The following CRACD variants were observed in gnomAD, a reference collection of about 807,000 sequenced individuals.
The protein encoded by CRACD is capping protein-inhibiting regulator of actin dynamics.
A neutral mutation model predicts 106.8 loss-of-function variants in CRACD; 56 were observed. The observed-to-expected ratio is 0.52, with a 90% confidence interval of 0.42 to 0.66. CRACD has a LOEUF of 0.66. Ranked by LOEUF, CRACD falls within the 30% of genes least tolerant of loss-of-function variation. The probability of loss-of-function intolerance (pLI) is 0.00; values close to 1 mark genes in which losing one functional copy is unlikely to be tolerated. For missense variants in CRACD, 1,730 were observed against 1,623.2 expected (o/e 1.07, Z -1.13); for synonymous variants, 754 against 670.8 (o/e 1.12, Z -1.92).
chr4:56,272,473 A>C lies in CRACD; in HGVS notation c.-36A>C, dbSNP rs578195034. The C allele has an allele frequency of 2.0e-5, 3 of 152,638 alleles. No individual in the cohort carries two copies. The highest frequency in any genetic ancestry group is 4.4e-5 in the Non-Finnish European group (3 of 68,018). The allele number at this position is 152,638 out of a possible 1,614,324, so 9.5% of individuals were successfully genotyped here. A position where few individuals can be genotyped will look rare whatever the true frequency, so the allele number is the denominator to read the frequency against. On this transcript the variant is annotated 5_prime_UTR_variant, in exon 3 of 11. Transcript: ENST00000682029. ...TGGGACCTTCTCTTCGGATGAGGAG[A>C]CCCTGGAAGACAATCTAAGGTAATA...
At chr4:56,242,039 T>TCCAC (rs1322959961) in intron 2 of CRACD, among the ~76,000 whole-genome samples, 2 of 152,198 alleles carry the variant, frequency 1.3e-5, no homozygotes, top group African/African-American at 4.8e-5. Context: ...TACTTTATTT[T>TCCAC]GAATGACAAA....
intron 2 of CRACD, among the ~76,000 whole-genome samples, chr4:56,243,031 C>G (rs1334915080): frequency 6.6e-6 from 1 of 152,154 alleles, no homozygotes; most frequent in African/African-American, 2.4e-5. Flanking sequence ...TGATGTCCCC[C>G]ACTGTCTATT....
At chr4:56,284,248 G>C (rs1310790135) in intron 3 of CRACD, among the ~76,000 whole-genome samples, 1 of 115,926 alleles carries the variant, frequency 8.6e-6, no homozygotes, top group Non-Finnish European at 1.6e-5. Flanking sequence ...GAGCCCAGGA[G>C]TTTCAGACCA....
intron 1 of CRACD, among the ~76,000 whole-genome samples, chr4:56,088,744 A>C (rs139962567): frequency 6.7e-6 from 1 of 149,638 alleles, no homozygotes; most frequent in Non-Finnish European, 1.5e-5. Flanking sequence ...TTTTGACGGA[A>C]TCTTGCTCTG....
chr4:56,305,666 C>T (rs1446524686), intron 4 of CRACD, among the ~76,000 whole-genome samples: 2 of 152,222 alleles, frequency 1.3e-5, no homozygotes, highest in Admixed American at 6.5e-5. Flanking sequence ...CATGTGTGCT[C>T]CTGTCCTGTG....
chr4:56,282,578 T>C (rs1009321561), intron 3 of CRACD, among the ~76,000 whole-genome samples: 2 of 152,194 alleles, frequency 1.3e-5, no homozygotes, highest in Admixed American at 1.3e-4. Flanking sequence ...TGGAAGACTT[T>C]CCAAGTTCCA....
At chr4:56,313,934 G>C in intron 7 of CRACD, 106 bp from the exon 8 acceptor site, 1 of 1,429,666 alleles carries the variant, frequency 7.0e-7, no homozygotes, top group Non-Finnish European at 9.5e-7. Flanking sequence ...CCTGCTTCCA[G>C]GTGTTCTTGA....
At chr4:56,109,211 G>A (rs533270915) in intron 1 of CRACD, among the ~76,000 whole-genome samples, 11 of 152,220 alleles carry the variant, frequency 7.2e-5, no homozygotes, top group Admixed American at 6.5e-4. Flanking sequence ...TATACCCGCC[G>A]GTTATTCCTA....
At position 56,246,880 on chromosome 4, in the gene CRACD, A is replaced by G. The variant is rs111654401; in HGVS notation, c.-188-25441A>G. The stretch of plus-strand genomic sequence containing the variant: ...AGACAGTGAATCCCCCAACATTGTT[A>G]TTATTAGTAGTACTTAGGCACTGGT... On this transcript the variant is annotated intron_variant, in intron 2 of 10. Coordinates refer to ENST00000682029, the MANE Select transcript of CRACD (RefSeq NM_001393381.1). 8.5e-4 allele frequency among the ~76,000 whole-genome samples: 130 copies of G among 152,296 alleles called. 1 individual carries two copies. Among genetic ancestry groups the G allele is most frequent in the Middle Eastern group, 3.4e-3 (1 of 294 alleles).
chr4:56,277,587 A>G (rs1397905429), intron 3 of CRACD, among the ~76,000 whole-genome samples: 1 of 152,214 alleles, frequency 6.6e-6, no homozygotes, highest in Non-Finnish European at 1.5e-5. Context: ...GATCAGGAAC[A>G]AAACAAGGGT....
chr4:56,084,500 T>C (rs1309512676), intron 1 of CRACD, among the ~76,000 whole-genome samples: 1 of 152,200 alleles, frequency 6.6e-6, no homozygotes, highest in African/African-American at 2.4e-5. Context: ...TATATGAAAT[T>C]TGTATTTATC....
At chr4:56,214,303 A>G (rs1330217153) in intron 2 of CRACD, among the ~76,000 whole-genome samples, 1 of 152,058 alleles carries the variant, frequency 6.6e-6, no homozygotes, top group African/African-American at 2.4e-5. Context: ...TTTTTTATTT[A>G]AAAAATATAG....
intron 1 of CRACD, among the ~76,000 whole-genome samples, chr4:56,056,258 C>G (rs73162687): frequency 6.6e-6 from 1 of 152,214 alleles, no homozygotes; most frequent in African/African-American, 2.4e-5. Flanking sequence ...TTAAAAAAAG[C>G]AAAACACCAT....
Position 56,329,744 on chromosome 4 carries a change from G to A in CRACD, c.*1940G>A, listed in dbSNP as rs1746688618. ...TGGGAATCTTTCCACCTACAGCCCT[G>A]GAATGATAATGCTACAGTAATTCTT... On this transcript the variant is annotated 3_prime_UTR_variant, in exon 11 of 11. Coordinates refer to ENST00000682029, the MANE Select transcript of CRACD (RefSeq NM_001393381.1). 6.6e-6 allele frequency among the ~76,000 whole-genome samples: 1 copy of A among 152,104 alleles called. No homozygotes were observed.
intron 1 of CRACD, among the ~76,000 whole-genome samples, chr4:56,118,752 TAAAAA>T (rs1373006700): frequency 6.8e-6 from 1 of 146,436 alleles, no homozygotes; most frequent in African/African-American, 2.5e-5. Flanking sequence ...TAAAATAAAA[TAAAAA>T]TAAAGTAGGA....
At chr4:56,140,786 AT>A (rs762714106) in intron 1 of CRACD, among the ~76,000 whole-genome samples, 6 of 152,070 alleles carry the variant, frequency 3.9e-5, no homozygotes, top group Non-Finnish European at 5.9e-5. Context: ...AAAGTCCATA[AT>A]CTATTTTAAC....
In CRACD at chr4:56,301,275, A is replaced by G. The variant is rs149379820; in HGVS notation, c.120+2926A>G. 9.5e-4 allele frequency: 1,198 copies of G among 1,267,474 alleles called. 12 individuals carry two copies. In the African/African-American group the frequency reaches 0.016, roughly 17 times the overall value. 78.5% of individuals were successfully genotyped at this position (1,267,474 alleles called of 1,614,324 possible). ...AAGTCGTAGAAGTGATAGTAACTTT[A>G]TTAACTTGCATGAATGCTTTGCATT... is the stretch of plus-strand genomic sequence containing the variant. On this transcript the variant is annotated intron_variant, in intron 4 of 10. Transcript: ENST00000682029.
chr4:56,081,854 T>C (rs1158973927), intron 1 of CRACD, among the ~76,000 whole-genome samples: 1 of 152,056 alleles, frequency 6.6e-6, no homozygotes, highest in Non-Finnish European at 1.5e-5. Flanking sequence ...TGCACGCCCG[T>C]AATCCCAGCT....
intron 3 of CRACD, among the ~76,000 whole-genome samples, chr4:56,286,394 G>A (rs372093544): frequency 2.8e-5 from 4 of 141,352 alleles, no homozygotes; most frequent in African/African-American, 2.6e-5. Flanking sequence ...TTCTGTCTCC[G>A]AAAAAAAAAA....
Sources: allele counts gnomAD v4.1 joint callset (sites outside exome capture counted in the v4.1 genomes callset), GRCh38; gene constraint gnomAD v4.1.1; transcripts MANE v1.5; gene names NCBI Gene and HGNC (gene_info 2026-07-23, HGNC 2026-07-21).